Variants in UBE2E3 observed in about 807,000 individuals in gnomAD.
UBE2E3 encodes the protein ubiquitin-conjugating enzyme E2 E3.
A neutral mutation model predicts 23.6 loss-of-function variants in UBE2E3; 5 were observed. The ratio of observed to expected loss-of-function variants is 0.21; its 90% CI spans 0.11 to 0.44. The LOEUF is 0.44. UBE2E3 is among the 20% of genes least tolerant of loss of function. The pLI, the probability that UBE2E3 is intolerant of heterozygous loss-of-function variation, is 0.99. For synonymous variants in UBE2E3, 78 were observed against 87.5 expected, an observed-to-expected ratio of 0.89 and a Z score of 0.60; for missense variants, 81 against 249.8, an observed-to-expected ratio of 0.32 and a Z score of 4.55.
intron 3 of UBE2E3, among the ~76,000 whole-genome samples, chr2:181,045,830 C>T (rs1686657352): frequency 6.6e-6 from 1 of 151,724 alleles, no homozygotes; most frequent in African/African-American, 2.4e-5. Flanking sequence ...TTTAGTGAGC[C>T]AGTGTTAACT....
intron 3 of UBE2E3, among the ~76,000 whole-genome samples, chr2:180,988,685 T>G (rs1281599536): frequency 6.6e-6 from 1 of 152,162 alleles, no homozygotes; most frequent in East Asian, 1.9e-4. Flanking sequence ...TTTTGAAAGC[T>G]TTTTTCTAAT....
intron 3 of UBE2E3, among the ~76,000 whole-genome samples, chr2:181,024,110 T>A (rs1685799649): frequency 6.6e-6 from 1 of 152,106 alleles, no homozygotes; most frequent in South Asian, 2.1e-4. Flanking sequence ...GTATGTTCAG[T>A]CCTTCACTAT....
chr2:180,981,577 T>C (rs1438630142), intron 1 of UBE2E3: 1 of 153,434 alleles, frequency 6.5e-6, no homozygotes, highest in Non-Finnish European at 1.4e-5. Context: ...ATTAACAGGG[T>C]GTGTTTTCCT....
At chr2:181,031,871 G>C (rs556315112) in intron 3 of UBE2E3, among the ~76,000 whole-genome samples, 1 of 152,056 alleles carries the variant, frequency 6.6e-6, no homozygotes, top group Non-Finnish European at 1.5e-5. Context: ...ATTTTAATCA[G>C]CTCCTTTCCT....
chr2:181,025,141 G>C (rs375067635), intron 3 of UBE2E3, among the ~76,000 whole-genome samples: 1 of 151,922 alleles, frequency 6.6e-6, no homozygotes, highest in Admixed American at 6.6e-5. Context: ...ATAGGGGCAC[G>C]AGTGGTTTGA....
At chr2:180,998,669 C>G (rs1018671973) in intron 3 of UBE2E3, among the ~76,000 whole-genome samples, 1 of 151,984 alleles carries the variant, frequency 6.6e-6, no homozygotes, top group Non-Finnish European at 1.5e-5. Flanking sequence ...AGGCCCTGTG[C>G]GTGAGCATGT....
intron 3 of UBE2E3, among the ~76,000 whole-genome samples, chr2:181,043,608 T>C (rs547515354): frequency 6.6e-6 from 1 of 152,308 alleles, no homozygotes; most frequent in African/African-American, 2.4e-5. Flanking sequence ...ATACTTAACC[T>C]GAATTATTGT....
rs189511957 is a variant in UBE2E3 at position 181,026,415 on chromosome 2, T to C, written c.246-31278T>C. Among the ~76,000 whole-genome samples the C allele has an allele frequency of 6.3e-3, 953 of 151,962 alleles. 13 individuals carry two copies. Among genetic ancestry groups the C allele is most frequent in the African/African-American group, 0.021 (886 of 41,522 alleles). ...AACTGCAGTCTCTCATAGACCATTTTGATTCCTGCTGGTTTCTCTATCTTG... is the reference window on the plus strand; with the variant it reads ...AACTGCAGTCTCTCATAGACCATTTCGATTCCTGCTGGTTTCTCTATCTTG... On this transcript the variant is annotated intron_variant, in intron 3 of 5. Transcript: ENST00000410062.
At chr2:181,014,266 G>A (rs1006059125) in intron 3 of UBE2E3, among the ~76,000 whole-genome samples, 1 of 152,156 alleles carries the variant, frequency 6.6e-6, no homozygotes. Flanking sequence ...AACAAAGTGA[G>A]TTTGAGTTAC....
upstream of UBE2E3, chr2:180,980,505 C>T (rs1408838548): frequency 6.7e-6 from 1 of 148,856 alleles, no homozygotes; most frequent in African/African-American, 2.4e-5. This position sits in a 1 kb window ranked among gnomAD's most constrained non-coding sequence, Gnocchi z 5.5. Flanking sequence ...GCGGGAACAG[C>T]TCGCGCCCGC....
chr2:180,999,425 C>T (rs1574167725), intron 3 of UBE2E3, among the ~76,000 whole-genome samples: 2 of 152,096 alleles, frequency 1.3e-5, no homozygotes, highest in South Asian at 4.1e-4. Context: ...TGTTTGAATA[C>T]GTGGTTTTAT....
At chr2:181,058,617 C>A (rs1687048910) in intron 4 of UBE2E3, among the ~76,000 whole-genome samples, 1 of 151,726 alleles carries the variant, frequency 6.6e-6, no homozygotes, top group Admixed American at 6.6e-5. Context: ...GTCCATAGCC[C>A]TTAACTATGG....
At chr2:181,015,711 A>G (rs1221923270) in intron 3 of UBE2E3, among the ~76,000 whole-genome samples, 3 of 152,210 alleles carry the variant, frequency 2.0e-5, no homozygotes, top group Admixed American at 1.3e-4. Context: ...TAAAAAATAA[A>G]TACCACAAAT....
In UBE2E3 at chr2:181,057,745, C is replaced by T. The variant is rs1433391473; in HGVS notation, c.298C>T (p.Pro100Ser). 1 of 1,610,996 alleles carries T rather than the reference C, an allele frequency of 6.2e-7. No homozygotes were observed. Among genetic ancestry groups the T allele is most frequent in the Non-Finnish European group, 8.5e-7 (1 of 1,178,336 alleles). The change falls in exon 4 of 6, where the codon CCA becomes TCA. Residue 100 changes from proline to serine, a missense_variant. Transcript: ENST00000410062. ...TGAATGGAGATCAACTATACTTGGTCCACCGGGTTCTGTATATGAAGGTGG... is the reference window on the plus strand; with the variant it reads ...TGAATGGAGATCAACTATACTTGGTTCACCGGGTTCTGTATATGAAGGTGG... ...IYEWRSTILG[P>S]PGSVYEGGVF... is the part of the protein sequence containing the mutation.
chr2:181,023,774 A>G (rs1015419860), intron 3 of UBE2E3, among the ~76,000 whole-genome samples: 4 of 152,078 alleles, frequency 2.6e-5, no homozygotes, highest in Non-Finnish European at 4.4e-5. Flanking sequence ...TAATTTTTAA[A>G]TGACGATGAT....
chr2:181,038,910 A>T (rs1686385311), intron 3 of UBE2E3, among the ~76,000 whole-genome samples: 1 of 152,184 alleles, frequency 6.6e-6, no homozygotes, highest in African/African-American at 2.4e-5. Flanking sequence ...TAAAATAATT[A>T]TAAAAAAACA....
At chr2:181,014,534 A>G (rs892164555) in intron 3 of UBE2E3, among the ~76,000 whole-genome samples, 1 of 152,168 alleles carries the variant, frequency 6.6e-6, no homozygotes, top group African/African-American at 2.4e-5. Flanking sequence ...AGAGAGGGCT[A>G]CATGAGCAAG....
At chr2:181,007,313 G>A (rs957178531) in intron 3 of UBE2E3, among the ~76,000 whole-genome samples, 55 of 152,290 alleles carry the variant, frequency 3.6e-4, no homozygotes, top group African/African-American at 1.3e-3. Context: ...TGTACAGTAG[G>A]TAGTATGGCC....
chr2:181,013,270 T>C (rs1685388548), intron 3 of UBE2E3, among the ~76,000 whole-genome samples: 1 of 152,160 alleles, frequency 6.6e-6, no homozygotes, highest in South Asian at 2.1e-4. Flanking sequence ...TGGAAAACAT[T>C]ATTATTTCAT....
Sources: gnomAD v4.1 joint callset for allele counts (sites outside exome capture counted in the v4.1 genomes callset) on GRCh38, gnomAD v4.1.1 for gene constraint, Gnocchi (gnomAD v3.1) non-coding constraint, MANE v1.5 for transcripts, NCBI Gene and HGNC (gene_info 2026-07-23, HGNC 2026-07-21) for gene names.